Variants in SCFD1 observed in about 807,000 individuals in gnomAD.
SCFD1 encodes sec1 family domain containing 1.
Under a neutral mutation model 103.2 loss-of-function variants are expected in SCFD1, and 37 were observed. The observed-to-expected ratio is 0.36, with a 90% CI of 0.28 to 0.47. The LOEUF is 0.47. SCFD1 is among the 20% of genes least tolerant of loss of function. The pLI, the probability that SCFD1 is intolerant of heterozygous loss-of-function variation, is 1.00. For synonymous variants in SCFD1, 264 were observed against 245.0 expected, an observed-to-expected ratio of 1.08 and a Z score of -0.73; for missense variants, 639 against 761.2, an observed-to-expected ratio of 0.84 and a Z score of 1.89.
chr14:30,634,431 C>T (rs1458054700), intron 4 of SCFD1, among the ~76,000 whole-genome samples: 2 of 151,754 alleles, frequency 1.3e-5, no homozygotes, highest in Non-Finnish European at 2.9e-5. Context: ...AATCATTTAC[C>T]GTGCCCAATT....
chr14:30,680,172 A>C (rs2139248760), intron 14 of SCFD1, among the ~76,000 whole-genome samples: 1 of 152,324 alleles, frequency 6.6e-6, no homozygotes, highest in South Asian at 2.1e-4. Flanking sequence ...TTTTATGAGG[A>C]TAAAGCATTG....
At chr14:30,696,333 T>C (rs1327543794) in intron 15 of SCFD1, among the ~76,000 whole-genome samples, 1 of 152,326 alleles carries the variant, frequency 6.6e-6, no homozygotes, top group East Asian at 1.9e-4. Context: ...TTTAAAAAGT[T>C]ATATAAGTCT....
intron 4 of SCFD1, among the ~76,000 whole-genome samples, chr14:30,637,462 A>G (rs1375814970): frequency 6.6e-6 from 1 of 152,122 alleles, no homozygotes; most frequent in Non-Finnish European, 1.5e-5. Flanking sequence ...ACATTTTAAC[A>G]TCGCTAAAAT....
At chr14:30,675,698 A>T (rs1378713368) in intron 14 of SCFD1, among the ~76,000 whole-genome samples, 2 of 152,218 alleles carry the variant, frequency 1.3e-5, no homozygotes, top group African/African-American at 4.8e-5. Context: ...CCATATGCTA[A>T]AACTTGGCTA....
rs887971028 is a variant in SCFD1 at position 30,693,138 on chromosome 14, A to G, written c.1243-1635A>G. 9.8e-5 allele frequency among the ~76,000 whole-genome samples: 15 copies of G among 152,356 alleles called. No individual in the cohort carries two copies. In the East Asian group the frequency reaches 2.7e-3, roughly 27 times the overall value. ...AAGGGCTGGAGAATTCATAGATAAG[A>G]GCTCACTGATAGGGAATCCTCTACA... is the stretch of plus-strand genomic sequence containing the variant. On this transcript the variant is annotated intron_variant, in intron 14 of 24. Transcript: ENST00000458591.
At chr14:30,631,166 C>T (rs1042058495) in intron 3 of SCFD1, among the ~76,000 whole-genome samples, 4 of 151,928 alleles carry the variant, frequency 2.6e-5, no homozygotes, top group East Asian at 1.9e-4. Context: ...AGCCTGGTCA[C>T]GTGGTGAAAC....
chr14:30,711,346 G>A (rs1402003018), intron 19 of SCFD1, among the ~76,000 whole-genome samples: 5 of 152,296 alleles, frequency 3.3e-5, no homozygotes, highest in East Asian at 1.9e-4. Context: ...AGTGGCTCAC[G>A]CCTGTAACCC....
chr14:30,709,292 A>AT lies in SCFD1; in HGVS notation c.1629+1234dup, dbSNP rs1891696718. Among the ~76,000 whole-genome samples the AT allele has an allele frequency of 2.0e-5, 3 of 152,018 alleles. 1 individual carries two copies. In the South Asian group the frequency reaches 6.2e-4, roughly 32 times the overall value. The stretch of plus-strand genomic sequence containing the variant: ...ATCTTTATTTGTGGTTTAATAAGTT[A>AT]TTTTTTTCTTTTTCTTTTTTTCTGA... On this transcript the variant is annotated intron_variant, in intron 19 of 24. Coordinates refer to ENST00000458591, the MANE Select transcript of SCFD1 (RefSeq NM_016106.4).
chr14:30,703,955 AT>A (rs1566645959), intron 17 of SCFD1, among the ~76,000 whole-genome samples: 31 of 55,072 alleles, frequency 5.6e-4, no homozygotes, highest in East Asian at 4.2e-3. Flanking sequence ...ATATATATAT[AT>A]ATATATAAAT....
intron 20 of SCFD1, 89 bp downstream of exon 20, chr14:30,716,066 G>A: frequency 2.6e-6 from 2 of 780,994 alleles, no homozygotes; most frequent in Non-Finnish European, 4.4e-6. Context: ...TGAGTTCCTT[G>A]TGAGCTTAAT....
At chr14:30,728,036 G>A (rs909062789) in intron 23 of SCFD1, among the ~76,000 whole-genome samples, 3 of 152,190 alleles carry the variant, frequency 2.0e-5, no homozygotes, top group South Asian at 4.1e-4. Flanking sequence ...GCTTGTAAAT[G>A]TAATCCATAT....
chr14:30,724,516 G>C (rs1395620622), intron 23 of SCFD1, among the ~76,000 whole-genome samples: 1 of 152,028 alleles, frequency 6.6e-6, no homozygotes, highest in East Asian at 1.9e-4. Context: ...GCCTCCTAAA[G>C]TGCTGAGATT....
At chr14:30,708,205 G>C (rs1193009314) in intron 19 of SCFD1, 140 bp downstream of exon 19, 1 of 608,746 alleles carries the variant, frequency 1.6e-6, no homozygotes, top group Non-Finnish European at 2.9e-6. Context: ...TTTTTTTTAA[G>C]TTCTGGGGTA....
chr14:30,653,786 T>C, intron 10 of SCFD1, 198 bp downstream of exon 10: 2 of 424,090 alleles, frequency 4.7e-6, no homozygotes, highest in Non-Finnish European at 4.2e-6. Context: ...TAGTTTCAAA[T>C]TTATGATCTT....
At chr14:30,692,537 T>C (rs1363102352) in intron 14 of SCFD1, among the ~76,000 whole-genome samples, 1 of 152,070 alleles carries the variant, frequency 6.6e-6, no homozygotes, top group East Asian at 1.9e-4. Context: ...ACTGAGTAGA[T>C]GGTAAGGAGG....
At chr14:30,694,297 C>T (rs1245559565) in intron 14 of SCFD1, among the ~76,000 whole-genome samples, 1 of 152,034 alleles carries the variant, frequency 6.6e-6, no homozygotes, top group East Asian at 1.9e-4. Context: ...TGAATTTATC[C>T]ATCAAATATG....
At chr14:30,636,256 C>T (rs1399667077) in intron 4 of SCFD1, among the ~76,000 whole-genome samples, 3 of 151,426 alleles carry the variant, frequency 2.0e-5, no homozygotes, top group Non-Finnish European at 4.4e-5. Context: ...TGATGAAGCC[C>T]AGTTTATCGG....
intron 7 of SCFD1, among the ~76,000 whole-genome samples, chr14:30,648,136 A>G (rs1886033729): frequency 6.6e-6 from 1 of 152,204 alleles, no homozygotes; most frequent in East Asian, 1.9e-4. Context: ...GGAGGCATCC[A>G]TTTCTAATTC....
At chr14:30,646,025 G>GT (rs973411870) in intron 7 of SCFD1, among the ~76,000 whole-genome samples, 50 of 150,308 alleles carry the variant, frequency 3.3e-4, no homozygotes, top group Middle Eastern at 3.4e-3. Context: ...TTTTTTGTGT[G>GT]TTTTTTTTTG....
Sources: gnomAD v4.1 joint callset for allele counts (sites outside exome capture counted in the v4.1 genomes callset) on GRCh38, gnomAD v4.1.1 for gene constraint, MANE v1.5 for transcripts, NCBI Gene and HGNC (gene_info 2026-07-23, HGNC 2026-07-21) for gene names.